FOCAD: variants seen among roughly 807,000 people sequenced by gnomAD.
FOCAD encodes the protein focadhesin.
FOCAD carries 198 observed loss-of-function variants against 225.6 expected under a neutral mutation model. The observed-to-expected ratio is 0.88, with a 90% CI of 0.78 to 0.99. The LOEUF (loss-of-function observed/expected upper bound fraction) is 0.99. FOCAD is among the 50% of genes least tolerant of loss of function. The probability of loss-of-function intolerance (pLI) is 0.00; values close to 1 mark genes in which losing one functional copy is unlikely to be tolerated. For synonymous variants in FOCAD, 897 were observed against 755.0 expected (o/e 1.19, Z -3.08); for missense variants, 2,713 against 2,123.6 (o/e 1.28, Z -5.46).
chr9:20,696,575 A>C (rs1224762774), intron 1 of FOCAD, among the ~76,000 whole-genome samples: 1 of 152,194 alleles, frequency 6.6e-6, no homozygotes, highest in East Asian at 1.9e-4. Flanking sequence ...AGGCCGAGAC[A>C]GGTGGATGGC....
At chr9:20,729,026 A>G (rs1308647050) in intron 4 of FOCAD, among the ~76,000 whole-genome samples, 1 of 152,150 alleles carries the variant, frequency 6.6e-6, no homozygotes, top group Non-Finnish European at 1.5e-5. Flanking sequence ...CCAGACTGAG[A>G]TTGGAATTTC....
intron 11 of FOCAD, among the ~76,000 whole-genome samples, chr9:20,793,017 C>T (rs1820694422): frequency 6.6e-6 from 1 of 152,138 alleles, no homozygotes; most frequent in African/African-American, 2.4e-5. Context: ...AGTCTTTGGA[C>T]ACTTTGTACT....
chr9:20,895,285 G>C lies in FOCAD; in HGVS notation c.2625+10055G>C, dbSNP rs558841858. On this transcript the variant is annotated intron_variant, in intron 21 of 43. Transcript: ENST00000338382. ...CAACTTTGCTCTTCTTCAGTATTTTGTTGGCTCTTCTTTGTCCTTTGTCTC... is the reference window on the plus strand; with the variant it reads ...CAACTTTGCTCTTCTTCAGTATTTTCTTGGCTCTTCTTTGTCCTTTGTCTC... Among the ~76,000 whole-genome samples, 16 of 151,764 alleles carry C rather than the reference G, an allele frequency of 1.1e-4. 1 individual carries two copies. The highest frequency in any genetic ancestry group is 2.4e-4 in the Non-Finnish European group (16 of 67,902).
intron 5 of FOCAD, among the ~76,000 whole-genome samples, chr9:20,754,057 G>A (rs1253687610): frequency 6.6e-6 from 1 of 152,028 alleles, no homozygotes; most frequent in Non-Finnish European, 1.5e-5. Flanking sequence ...GATCAGTAAT[G>A]CTTCCAATTT....
At chr9:20,935,466 T>A (rs1390522550) in intron 28 of FOCAD, among the ~76,000 whole-genome samples, 2 of 152,216 alleles carry the variant, frequency 1.3e-5, no homozygotes, top group East Asian at 3.8e-4. Flanking sequence ...AATGGTGGAA[T>A]CTTGGCTCAC....
At position 20,764,908 on chromosome 9, in the gene FOCAD, G is replaced by A; in HGVS notation, c.534G>A (p.Leu178=). 4.3e-6 allele frequency: 7 copies of A among 1,614,094 alleles called. No individual in the cohort carries two copies. Among genetic ancestry groups the A allele is most frequent in the Non-Finnish European group, 5.9e-6 (7 of 1,180,012 alleles). The change falls in exon 7 of 44, where the codon CTG becomes CTA. Residue 178 remains leucine, a synonymous_variant. Transcript: ENST00000338382. ...GCATTCAAATAATGGCACCATTTCT[G>A]TGGTATCTGTATTGTGAACCATCTC... ...VSCIQIMAPF[L]WYLYCEPSQL...
At chr9:20,985,204 C>G (rs1208723601) in intron 39 of FOCAD, among the ~76,000 whole-genome samples, 1 of 152,218 alleles carries the variant, frequency 6.6e-6, no homozygotes, top group African/African-American at 2.4e-5. Context: ...GTCTGTTTTA[C>G]ACTTTGGGTC....
chr9:20,822,282 A>C (rs1824415888), intron 14 of FOCAD, among the ~76,000 whole-genome samples: 1 of 152,074 alleles, frequency 6.6e-6, no homozygotes, highest in South Asian at 2.1e-4. Flanking sequence ...GTGAAACAAT[A>C]GATTTCTGAC....
chr9:20,761,027 G>A (rs1387799015), intron 6 of FOCAD, among the ~76,000 whole-genome samples: 2 of 151,560 alleles, frequency 1.3e-5, no homozygotes, highest in African/African-American at 2.4e-5. Context: ...TTTTGGGGGG[G>A]GGCGTTACAA....
In FOCAD at chr9:20,877,882, T is replaced by C. The variant is rs1316378990; in HGVS notation, c.2317+3075T>C. On this transcript the variant is annotated intron_variant, in intron 19 of 43. Coordinates refer to ENST00000338382, the MANE Select transcript of FOCAD (RefSeq NM_001375567.1). ...AACATTGCACCACTGCACTCCAGTC[T>C]GGGCAACAGAGAGACTCCATCTCAA... Among the ~76,000 whole-genome samples, 5 of 152,070 alleles carry C rather than the reference T, an allele frequency of 3.3e-5. No homozygotes were observed. In the East Asian group the frequency reaches 9.6e-4, roughly 29 times the overall value.
intron 11 of FOCAD, among the ~76,000 whole-genome samples, chr9:20,802,802 G>A (rs973686927): frequency 6.6e-5 from 10 of 152,110 alleles, no homozygotes; most frequent in Non-Finnish European, 1.2e-4. Context: ...TGAAGCTACT[G>A]TTTTTAGGCA....
intron 15 of FOCAD, among the ~76,000 whole-genome samples, chr9:20,840,160 A>G (rs1826376044): frequency 6.6e-6 from 1 of 152,142 alleles, no homozygotes; most frequent in South Asian, 2.1e-4. Flanking sequence ...ATGGTTCCAT[A>G]TAAATTTTAG....
At chr9:20,825,336 G>A (rs1046855762) in intron 15 of FOCAD, among the ~76,000 whole-genome samples, 5 of 151,978 alleles carry the variant, frequency 3.3e-5, no homozygotes, top group Non-Finnish European at 5.9e-5. Context: ...AGGTCAGCTC[G>A]CATTCTGTGA....
At position 20,951,479 on chromosome 9, in the gene FOCAD, G is replaced by T. The variant is rs539305851; in HGVS notation, c.4051+381G>T. Among the ~76,000 whole-genome samples the T allele has an allele frequency of 2.6e-5, 4 of 152,262 alleles. No individual in the cohort carries two copies. The South Asian group carries it at 6.2e-4, about 24-fold the overall frequency. On this transcript the variant is annotated intron_variant, in intron 34 of 43. Transcript: ENST00000338382. ...ATTTGGTGACAAATCTAGAAACTAGGAACCAGGTCCTTAAAGCTTGGAACA... is the reference window on the plus strand; with the variant it reads ...ATTTGGTGACAAATCTAGAAACTAGTAACCAGGTCCTTAAAGCTTGGAACA...
chr9:20,881,010 A>G (rs1830622703), intron 19 of FOCAD, among the ~76,000 whole-genome samples: 1 of 152,198 alleles, frequency 6.6e-6, no homozygotes, highest in Admixed American at 6.5e-5. Flanking sequence ...GTTATTATAT[A>G]GTAAGTAAAA....
At chr9:20,922,774 A>T (rs1834567701) in intron 24 of FOCAD, among the ~76,000 whole-genome samples, 1 of 152,214 alleles carries the variant, frequency 6.6e-6, no homozygotes. Flanking sequence ...AAACGATCTG[A>T]TGGTATGGGT....
intron 15 of FOCAD, among the ~76,000 whole-genome samples, chr9:20,831,495 C>T (rs1825487950): frequency 6.6e-6 from 1 of 152,124 alleles, no homozygotes; most frequent in East Asian, 1.9e-4. Flanking sequence ...TCTAGGAGCT[C>T]ACAGTCTGGT....
intron 1 of FOCAD, among the ~76,000 whole-genome samples, chr9:20,707,964 T>G (rs930295498): frequency 3.3e-5 from 5 of 152,270 alleles, no homozygotes; most frequent in Non-Finnish European, 5.9e-5. Flanking sequence ...ACTTAGGGAC[T>G]GGGAAGCAGT....
chr9:20,916,582 T>G (rs1392282516), intron 23 of FOCAD, among the ~76,000 whole-genome samples: 1 of 152,214 alleles, frequency 6.6e-6, no homozygotes, highest in African/African-American at 2.4e-5. Context: ...TTGAAGAGAG[T>G]AATATAATGG....
Sources: gnomAD v4.1 joint callset for allele counts (sites outside exome capture counted in the v4.1 genomes callset) on GRCh38, gnomAD v4.1.1 for gene constraint, MANE v1.5 for transcripts, NCBI Gene and HGNC (gene_info 2026-07-23, HGNC 2026-07-21) for gene names.